NYAP2: variants seen among roughly 807,000 people sequenced by gnomAD.
NYAP2 encodes neuronal tyrosine-phosphorylated phosphoinositide-3-kinase adapter 2.
NYAP2 carries 23 observed loss-of-function variants against 50.4 expected under a neutral mutation model. The ratio of observed to expected loss-of-function variants is 0.46; its 90% CI spans 0.33 to 0.65. The LOEUF is 0.65. Among genes scored for constraint, NYAP2 ranks in the 30% least tolerant of loss-of-function variants. NYAP2 has a pLI of 0.02. For synonymous variants in NYAP2, 394 were observed against 365.2 expected (o/e 1.08, Z -0.90); for missense variants, 885 against 861.0 (o/e 1.03, Z -0.35).
intron 4 of NYAP2, among the ~76,000 whole-genome samples, chr2:225,536,543 A>AT (rs1691354377): frequency 6.6e-6 from 1 of 151,458 alleles, no homozygotes; most frequent in African/African-American, 2.4e-5. Context: ...TTCTTTTTTC[A>AT]TTTTTTGAGT....
At chr2:225,642,077 T>C (rs1255651008) in intron 6 of NYAP2, among the ~76,000 whole-genome samples, 1 of 152,138 alleles carries the variant, frequency 6.6e-6, no homozygotes, top group East Asian at 1.9e-4. Context: ...GTTCCTGCTT[T>C]CAAAGAGCAT....
intron 2 of NYAP2, 50 bp downstream of exon 2, chr2:225,401,093 A>G (rs1253987618): frequency 6.6e-6 from 1 of 152,518 alleles, no homozygotes; most frequent in Non-Finnish European, 1.5e-5. Context: ...CGAATCCAGC[A>G]CTGAATAGAT....
intron 3 of NYAP2, among the ~76,000 whole-genome samples, chr2:225,451,020 A>G (rs1264564187): frequency 2.6e-5 from 4 of 152,210 alleles, no homozygotes; most frequent in African/African-American, 9.6e-5. Context: ...TGCCATTGTC[A>G]TCTAAAAGGG....
intron 4 of NYAP2, among the ~76,000 whole-genome samples, chr2:225,518,427 A>T (rs1391487805): frequency 6.7e-6 from 1 of 149,632 alleles, no homozygotes; most frequent in African/African-American, 2.4e-5. Flanking sequence ...CATCTACGGT[A>T]CATCATGGTA....
intron 3 of NYAP2, among the ~76,000 whole-genome samples, chr2:225,413,542 T>G (rs2106122137): frequency 6.6e-6 from 1 of 152,286 alleles, no homozygotes; most frequent in South Asian, 2.1e-4. Context: ...TCTTTTATTA[T>G]TTCCTCAAAC....
chr2:225,540,506 C>T (rs1574667358), intron 4 of NYAP2, among the ~76,000 whole-genome samples: 1 of 152,158 alleles, frequency 6.6e-6, no homozygotes, highest in Admixed American at 6.5e-5. Context: ...GAGACTTTAT[C>T]ACTGTCATGA....
chr2:225,456,238 G>A (rs1313767095), intron 3 of NYAP2, among the ~76,000 whole-genome samples: 2 of 152,196 alleles, frequency 1.3e-5, no homozygotes, highest in African/African-American at 4.8e-5. Flanking sequence ...CCCTTGCCCA[G>A]ACTTTCTGCA....
At chr2:225,398,501 C>G (rs1424798101), upstream of NYAP2, among the ~76,000 whole-genome samples, 1 of 151,932 alleles carries the variant, frequency 6.6e-6, no homozygotes, top group African/African-American at 2.4e-5. Context: ...GAGAACACTT[C>G]ACTACCAAAA....
At chr2:225,693,769 G>A in the NYAP2 span, among the ~76,000 whole-genome samples, 1 of 151,880 alleles carries the variant, frequency 6.6e-6, no homozygotes, top group Non-Finnish European at 1.5e-5. Flanking sequence ...CCATCACCTC[G>A]AAGGTCAGGA....
At position 225,466,580 on chromosome 2, in the gene NYAP2, T is replaced by G. The variant is rs149663496; in HGVS notation, c.222-46791T>G. 2.1e-3 allele frequency among the ~76,000 whole-genome samples: 319 copies of G among 152,300 alleles called. 1 individual carries two copies. Among genetic ancestry groups the G allele is most frequent in the African/African-American group, 7.3e-3 (305 of 41,562 alleles). ...ACTGCAGGAGTTATTCTTATGATTT[T>G]CCAGTTGAAAATGCTGTTTAGCACT... On this transcript the variant is annotated intron_variant, in intron 3 of 6. Coordinates refer to ENST00000636099, the Ensembl canonical transcript of NYAP2.
intron 4 of NYAP2, among the ~76,000 whole-genome samples, chr2:225,540,937 A>T (rs35028860): frequency 0.24 from 36,745 of 151,942 alleles, 4,620 homozygotes; most frequent in African/African-American, 0.33. Context: ...TTCCATATCC[A>T]CGCCAGCCTT....
At chr2:225,400,731 C>T (rs1278728685) in exon 2 of NYAP2, 2 of 152,114 alleles carry the variant, frequency 1.3e-5, no homozygotes, top group East Asian at 1.9e-4. Context: ...CTCCGAATGT[C>T]GATTTAAGGA....
intron 6 of NYAP2, among the ~76,000 whole-genome samples, chr2:225,642,484 G>A (rs1009039886): frequency 3.9e-5 from 6 of 152,104 alleles, no homozygotes; most frequent in African/African-American, 1.4e-4. Context: ...GTGTAGAGAG[G>A]TCAAGCAAAT....
Position 225,582,644 on chromosome 2 carries a change from G to T in NYAP2, c.1227G>T (p.Ala409=), listed in dbSNP as rs760442473. 2.4e-5 allele frequency: 38 copies of T among 1,597,184 alleles called. No homozygotes were observed. Among genetic ancestry groups the T allele is most frequent in the Non-Finnish European group, 3.1e-5 (36 of 1,172,440 alleles). Residue 409 remains alanine, a synonymous_variant, in exon 5 of 7, where the codon GCG becomes GCT. Coordinates refer to ENST00000636099, the Ensembl canonical transcript of NYAP2. This position sits in a 1 kb window ranked among gnomAD's most constrained non-coding sequence, Gnocchi z 7.0. ...TGGGACCTGCCTCTGCCACCCCTGC[G>T]CTCTCCTCGTCGCCCCCACCCCCGT...
At chr2:225,621,295 A>C (rs1285545832) in intron 5 of NYAP2, among the ~76,000 whole-genome samples, 1 of 152,232 alleles carries the variant, frequency 6.6e-6, no homozygotes, top group Non-Finnish European at 1.5e-5. Flanking sequence ...GTCTCAGGAC[A>C]CTGAAAAACA....
At chr2:225,698,423 G>A in the NYAP2 span, 80 of 152,420 alleles carry the variant, frequency 5.2e-4, no homozygotes, top group Non-Finnish European at 1.0e-4. Context: ...ACGGAAAAGG[G>A]CCTTTGCAAA....
chr2:225,444,830 T>TATAATA (rs1559181452), intron 3 of NYAP2, among the ~76,000 whole-genome samples: 1 of 152,190 alleles, frequency 6.6e-6, no homozygotes, highest in Admixed American at 6.5e-5. Flanking sequence ...TAATAATGTA[T>TATAATA]ATAATAGCAT....
chr2:225,570,733 C>T (rs1175728364), intron 4 of NYAP2, among the ~76,000 whole-genome samples: 2 of 152,084 alleles, frequency 1.3e-5, no homozygotes, highest in South Asian at 4.2e-4. Flanking sequence ...TATCATTCTG[C>T]CCCCTGGCCC....
the NYAP2 span, among the ~76,000 whole-genome samples, chr2:225,686,998 G>A: frequency 6.6e-6 from 1 of 151,868 alleles, no homozygotes; most frequent in African/African-American, 2.4e-5. Context: ...TATATGAAGG[G>A]AAGTAATTGT....
Sources: gnomAD v4.1 joint callset for allele counts (sites outside exome capture counted in the v4.1 genomes callset) on GRCh38, gnomAD v4.1.1 for gene constraint, Gnocchi (gnomAD v3.1) non-coding constraint, MANE v1.5 for transcripts, NCBI Gene and HGNC (gene_info 2026-07-23, HGNC 2026-07-21) for gene names.